Variants in CCZ1B observed in about 807,000 individuals in gnomAD.
CCZ1B encodes vacuolar fusion protein CCZ1 homolog B.
Under a neutral mutation model 58.8 loss-of-function variants are expected in CCZ1B, and 25 were observed. That is an observed-to-expected ratio of 0.43 (90% CI 0.31 to 0.59). The LOEUF (loss-of-function observed/expected upper bound fraction) is 0.59. Among genes scored for constraint, CCZ1B ranks in the 20% least tolerant of loss-of-function variants. The probability of loss-of-function intolerance (pLI) is 0.12; values close to 1 mark genes in which losing one functional copy is unlikely to be tolerated. For synonymous variants in CCZ1B, 66 were observed against 173.2 expected (o/e 0.38, Z 4.86); for missense variants, 180 against 501.5 (o/e 0.36, Z 6.12).
intron 4 of CCZ1B, chr7:6,823,882 A>C: frequency 1.0e-6 from 1 of 981,374 alleles, no homozygotes; most frequent in Non-Finnish European, 1.4e-6. Flanking sequence ...TTCAATATAG[A>C]TGAAGAGTAG....
At chr7:6,818,665 GAC>G (rs1180371015) in intron 7 of CCZ1B, among the ~76,000 whole-genome samples, 1 of 91,150 alleles carries the variant, frequency 1.1e-5, no homozygotes, top group East Asian at 3.4e-4. Context: ...AAGAAAGACA[GAC>G]AGAAAGAAAG....
intron 7 of CCZ1B, among the ~76,000 whole-genome samples, chr7:6,817,058 C>T (rs1357011194): frequency 6.6e-6 from 1 of 152,306 alleles, no homozygotes; most frequent in Non-Finnish European, 1.5e-5. Context: ...GCGTTGGCGC[C>T]TGGAGTAAGA....
chr7:6,823,991 C>T lies in CCZ1B; in HGVS notation c.390+98G>A, dbSNP rs1783156133. On this transcript the variant is annotated intron_variant, in intron 4 of 14. Transcript: ENST00000316731. ...TGCTATATACCCCGAGAAACTTCTG[C>T]AAAAGCCTCCTAGTTTAAATCCGAC... 4.3e-6 allele frequency: 3 copies of T among 696,868 alleles called. No individual in the cohort carries two copies. The African/African-American group carries it at 5.6e-5, about 13-fold the overall frequency. 43.2% of individuals were successfully genotyped at this position (696,868 alleles called of 1,614,324 possible). A position where few individuals can be genotyped will look rare whatever the true frequency, so the allele number is the denominator to read the frequency against.
In CCZ1B at chr7:6,803,962, A is replaced by C. The variant is rs1361455763; in HGVS notation, c.1106+976T>G. Among the ~76,000 whole-genome samples, 136 of 144,452 alleles carry C rather than the reference A, an allele frequency of 9.4e-4. 2 individuals are homozygous for C. The highest frequency in any genetic ancestry group is 3.0e-3 in the African/African-American group (117 of 39,258). The allele number at this position is 144,452 out of a possible 152,430, so 94.8% of individuals were successfully genotyped here. A position where few individuals can be genotyped will look rare whatever the true frequency, so the allele number is the denominator to read the frequency against. On this transcript the variant is annotated intron_variant, in intron 12 of 14. Transcript: ENST00000316731. ...ACTCTGTCTTAAAAAAAAAAAAAAA[A>C]CCCAAAAAACAACGTATGAACATTA...
intron 14 of CCZ1B, among the ~76,000 whole-genome samples, chr7:6,800,563 A>T (rs1470875844): frequency 2.9e-5 from 4 of 135,872 alleles, no homozygotes; most frequent in Non-Finnish European, 1.5e-5. Context: ...CAGCTACTCT[A>T]GAGGCTGAGG....
At chr7:6,825,458 C>G (rs1242521733) in intron 1 of CCZ1B, among the ~76,000 whole-genome samples, 1 of 139,328 alleles carries the variant, frequency 7.2e-6, no homozygotes, top group Non-Finnish European at 1.5e-5. Flanking sequence ...CTATGTTGCC[C>G]AGGCTGGTCT....
intron 7 of CCZ1B, among the ~76,000 whole-genome samples, chr7:6,816,044 C>G (rs1452167513): frequency 6.8e-6 from 1 of 147,822 alleles, no homozygotes; most frequent in African/African-American, 2.6e-5. Flanking sequence ...GGCAAACCAT[C>G]TGATCTGAAA....
intron 14 of CCZ1B, 136 bp from the exon 15 acceptor site, chr7:6,799,415 G>C (rs1782722477): frequency 2.6e-6 from 1 of 387,374 alleles, no homozygotes. Flanking sequence ...CAGAAGACTA[G>C]GCAAGAATTT....
intron 10 of CCZ1B, among the ~76,000 whole-genome samples, chr7:6,810,887 T>C (rs2115115791): frequency 6.7e-6 from 1 of 150,158 alleles, no homozygotes; most frequent in Non-Finnish European, 1.5e-5. Context: ...ACCAGAAGGC[T>C]GACCAGAGAT....
intron 3 of CCZ1B, 85 bp downstream of exon 3, chr7:6,824,370 G>A (rs1222107031): frequency 1.4e-6 from 2 of 1,417,554 alleles, no homozygotes; most frequent in East Asian, 4.8e-5. Flanking sequence ...GCAACAGCCA[G>A]AGAACTTTCC....
At chr7:6,820,789 C>A (rs1427676010) in intron 6 of CCZ1B, among the ~76,000 whole-genome samples, 2 of 148,088 alleles carry the variant, frequency 1.4e-5, no homozygotes, top group East Asian at 4.0e-4. Flanking sequence ...GGCGTGGTAG[C>A]CTGTAATCCC....
chr7:6,813,875 G>A (rs537960430), intron 8 of CCZ1B, among the ~76,000 whole-genome samples: 1 of 149,484 alleles, frequency 6.7e-6, no homozygotes, highest in African/African-American at 2.5e-5. Context: ...GCCAGGAGCA[G>A]TAGCTCACGC....
rs56893918 is a variant in CCZ1B at position 6,818,491 on chromosome 7, G to A, written c.698+1275C>T. On this transcript the variant is annotated intron_variant, in intron 7 of 14. Transcript: ENST00000316731. ...TTGAACCCAGGAAGGGGAAGTTGCA[G>A]TGAGCCAAGATCGCGCCACTGTACT... 9.9e-3 allele frequency among the ~76,000 whole-genome samples: 1,475 copies of A among 149,156 alleles called. 152 individuals are homozygous for A. The highest frequency in any genetic ancestry group is 0.036 in the African/African-American group (1,403 of 39,400).
At position 6,820,210 on chromosome 7, in the gene CCZ1B, GCT is replaced by G. The variant is rs572929671; in HGVS notation, c.523-271_523-270del. Among the ~76,000 whole-genome samples, 16 of 149,418 alleles carry G rather than the reference GCT, an allele frequency of 1.1e-4. No homozygotes were observed. The East Asian group carries it at 3.1e-3, about 29-fold the overall frequency. On this transcript the variant is annotated intron_variant, in intron 6 of 14. Transcript: ENST00000316731. ...ATTTATTTTTTTGTGACAGAGTCTTGCTCTGTCATCCAGGCTGGAGTGCAGTG... is the reference window on the plus strand; with the variant it reads ...ATTTATTTTTTTGTGACAGAGTCTTGCTGTCATCCAGGCTGGAGTGCAGTG...
At chr7:6,817,687 G>A (rs550331501) in intron 7 of CCZ1B, among the ~76,000 whole-genome samples, 7 of 149,966 alleles carry the variant, frequency 4.7e-5, no homozygotes, top group East Asian at 3.9e-4. Flanking sequence ...TCAGTACAGC[G>A]TAAGGTTGCC....
chr7:6,820,896 C>T (rs1783098217), intron 6 of CCZ1B, among the ~76,000 whole-genome samples: 1 of 131,994 alleles, frequency 7.6e-6, no homozygotes, highest in Non-Finnish European at 1.6e-5. Flanking sequence ...GCCTGGGTGA[C>T]AAGAGTAAGA....
chr7:6,816,042 A>G lies in CCZ1B; in HGVS notation c.699-1197T>C, dbSNP rs889342549. Among the ~76,000 whole-genome samples the G allele has an allele frequency of 3.4e-5, 5 of 147,898 alleles. 1 individual carries two copies. Among genetic ancestry groups the G allele is most frequent in the Non-Finnish European group, 5.9e-5 (4 of 67,386 alleles). On this transcript the variant is annotated intron_variant, in intron 7 of 14. Transcript: ENST00000316731. ...AGAAAAACAAGCTTTCAGGCAAACC[A>G]TCTGATCTGAAATGAGGCAGGAAGG...
intron 12 of CCZ1B, among the ~76,000 whole-genome samples, chr7:6,803,737 G>A (rs1249531109): frequency 1.3e-5 from 2 of 150,170 alleles, no homozygotes; most frequent in African/African-American, 2.4e-5. Flanking sequence ...GCCGAAGTGC[G>A]TGGATCACGA....
At chr7:6,800,669 CA>C (rs1165489275) in intron 14 of CCZ1B, among the ~76,000 whole-genome samples, 3 of 138,334 alleles carry the variant, frequency 2.2e-5, no homozygotes, top group East Asian at 2.2e-4. Flanking sequence ...AACCTGTCTC[CA>C]AAAAAAGGGG....
Sources: allele counts gnomAD v4.1 joint callset (sites outside exome capture counted in the v4.1 genomes callset), GRCh38; gene constraint gnomAD v4.1.1; transcripts MANE v1.5; gene names NCBI Gene and HGNC (gene_info 2026-07-23, HGNC 2026-07-21).